Variants in RALYL observed in about 807,000 individuals in gnomAD.
The protein encoded by RALYL is RNA-binding Raly-like protein.
A neutral mutation model predicts 35.1 loss-of-function variants in RALYL; 29 were observed. The ratio of observed to expected loss-of-function variants is 0.83; its 90% CI spans 0.61 to 1.13. RALYL has a LOEUF of 1.13. RALYL is among the 50% of genes most tolerant of loss of function. The probability of loss-of-function intolerance (pLI) is 0.00; values close to 1 mark genes in which losing one functional copy is unlikely to be tolerated. For missense variants in RALYL, 359 were observed against 360.4 expected (o/e 1.00, Z 0.03); for synonymous variants, 120 against 127.6 (o/e 0.94, Z 0.40).
At chr8:84,526,009 T>TG (rs1269207979) in intron 1 of RALYL, among the ~76,000 whole-genome samples, 5 of 145,930 alleles carry the variant, frequency 3.4e-5, no homozygotes, top group African/African-American at 1.3e-4. Flanking sequence ...TAGAATGCAG[T>TG]GGGGCACTTT....
intron 1 of RALYL, among the ~76,000 whole-genome samples, chr8:84,438,645 A>G (rs2047999281): frequency 6.6e-6 from 1 of 151,588 alleles, no homozygotes. Flanking sequence ...GCCCACCTTG[A>G]CCTCCCAAAG....
chr8:84,469,965 C>T (rs184300670), intron 1 of RALYL, among the ~76,000 whole-genome samples: 14 of 152,328 alleles, frequency 9.2e-5, no homozygotes, highest in African/African-American at 3.4e-4. Flanking sequence ...CCTTGCGCTT[C>T]CCAAGTGAGG....
intron 4 of RALYL, among the ~76,000 whole-genome samples, chr8:84,844,504 C>G (rs1834173156): frequency 1.3e-5 from 2 of 152,104 alleles, no homozygotes; most frequent in Non-Finnish European, 2.9e-5. Flanking sequence ...AATAGGAACA[C>G]TTTTACACTG....
intron 1 of RALYL, among the ~76,000 whole-genome samples, chr8:84,451,674 T>A (rs2049492101): frequency 6.6e-6 from 1 of 151,964 alleles, no homozygotes; most frequent in Admixed American, 6.6e-5. Context: ...ATTGAAATGC[T>A]TAGAATAACA....
At chr8:84,756,957 G>T (rs991703739) in intron 2 of RALYL, among the ~76,000 whole-genome samples, 5 of 151,990 alleles carry the variant, frequency 3.3e-5, no homozygotes, top group Admixed American at 6.6e-5. Flanking sequence ...CCGTGAATGT[G>T]AACACACCAT....
intron 2 of RALYL, among the ~76,000 whole-genome samples, chr8:84,721,998 C>A (rs938119054): frequency 6.6e-6 from 1 of 152,078 alleles, no homozygotes; most frequent in Non-Finnish European, 1.5e-5. Context: ...AAAGCTCTCT[C>A]AAGGGCTTTC....
intron 2 of RALYL, among the ~76,000 whole-genome samples, chr8:84,616,603 C>A (rs1819735113): frequency 6.6e-6 from 1 of 150,536 alleles, no homozygotes. Flanking sequence ...TTAATTAGAT[C>A]CCATTTGTCA....
chr8:84,268,102 A>G (rs544860457), intron 1 of RALYL, among the ~76,000 whole-genome samples: 2 of 152,234 alleles, frequency 1.3e-5, no homozygotes, highest in African/African-American at 2.4e-5. Context: ...CCCTGAGAAT[A>G]AAATAAACAA....
chr8:84,367,355 T>A (rs1586642533), intron 1 of RALYL, among the ~76,000 whole-genome samples: 4 of 85,706 alleles, frequency 4.7e-5, no homozygotes, highest in Non-Finnish European at 4.5e-5. Context: ...TTTTTTTTTT[T>A]TTTTTTTTTT....
intron 1 of RALYL, among the ~76,000 whole-genome samples, chr8:84,427,352 T>G (rs2046609612): frequency 6.6e-6 from 1 of 152,194 alleles, no homozygotes; most frequent in Non-Finnish European, 1.5e-5. Flanking sequence ...TAGCAGGCCT[T>G]TCTCATTAGT....
intron 2 of RALYL, among the ~76,000 whole-genome samples, chr8:84,691,097 G>C (rs1006794932): frequency 6.6e-6 from 1 of 152,050 alleles, no homozygotes; most frequent in African/African-American, 2.4e-5. Context: ...ACTGTTTGAA[G>C]AATTTCCACA....
chr8:84,452,436 C>T (rs2049597742), intron 1 of RALYL, among the ~76,000 whole-genome samples: 1 of 151,792 alleles, frequency 6.6e-6, no homozygotes, highest in South Asian at 2.1e-4. Context: ...TAGGTGATTA[C>T]CTCATTGCCA....
At chr8:84,215,357 A>T (rs1181590092) in intron 1 of RALYL, among the ~76,000 whole-genome samples, 1 of 152,096 alleles carries the variant, frequency 6.6e-6, no homozygotes, top group Non-Finnish European at 1.5e-5. Flanking sequence ...ATCAGCACTA[A>T]AATGTGTTCT....
intron 2 of RALYL, among the ~76,000 whole-genome samples, chr8:84,688,955 T>A (rs915437455): frequency 2.6e-5 from 4 of 151,624 alleles, no homozygotes; most frequent in Non-Finnish European, 5.9e-5. Context: ...CCAACAGGTA[T>A]ACGAAAAAAA....
At chr8:84,579,536 C>T (rs922654816) in intron 2 of RALYL, among the ~76,000 whole-genome samples, 2 of 152,176 alleles carry the variant, frequency 1.3e-5, no homozygotes, top group African/African-American at 4.8e-5. Context: ...GTGCACCCTG[C>T]ATCTTAGTAA....
At chr8:84,408,364 T>C (rs776624173) in intron 1 of RALYL, among the ~76,000 whole-genome samples, 3 of 152,148 alleles carry the variant, frequency 2.0e-5, no homozygotes, top group Non-Finnish European at 2.9e-5. Context: ...TTTCAGTAAA[T>C]AGAAAAACTC....
At chr8:84,341,498 C>T (rs956364632) in intron 1 of RALYL, among the ~76,000 whole-genome samples, 1 of 151,874 alleles carries the variant, frequency 6.6e-6, no homozygotes, top group Non-Finnish European at 1.5e-5. Flanking sequence ...CAATTTCCTT[C>T]TTAAAATGAT....
At chr8:84,295,116 A>G (rs1373472746) in intron 1 of RALYL, among the ~76,000 whole-genome samples, 1 of 152,164 alleles carries the variant, frequency 6.6e-6, no homozygotes, top group Non-Finnish European at 1.5e-5. Flanking sequence ...GCAATCTCAC[A>G]AAGATATGAC....
intron 2 of RALYL, among the ~76,000 whole-genome samples, chr8:84,732,556 G>T (rs908819624): frequency 2.6e-5 from 4 of 151,500 alleles, no homozygotes; most frequent in East Asian, 1.9e-4. Flanking sequence ...TGTCATTTCA[G>T]TACAAATTTA....
Sources: allele counts gnomAD v4.1 joint callset (sites outside exome capture counted in the v4.1 genomes callset), GRCh38; gene constraint gnomAD v4.1.1; transcripts MANE v1.5; gene names NCBI Gene and HGNC (gene_info 2026-07-23, HGNC 2026-07-21).